Variants in FAM185A observed in about 807,000 individuals in gnomAD.
FAM185A encodes the protein protein FAM185A.
FAM185A carries 21 observed loss-of-function variants against 45.7 expected under a neutral mutation model. The ratio of observed to expected loss-of-function variants is 0.46; its 90% CI spans 0.33 to 0.66. The LOEUF is 0.66. Among genes scored for constraint, FAM185A ranks in the 30% least tolerant of loss-of-function variants. The probability of loss-of-function intolerance (pLI) is 0.03; values close to 1 mark genes in which losing one functional copy is unlikely to be tolerated. For synonymous variants in FAM185A, 117 were observed against 194.0 expected (o/e 0.60, Z 3.30); for missense variants, 305 against 485.4 (o/e 0.63, Z 3.49).
chr7:102,751,473 T>C (rs1793359962), intron 1 of FAM185A, among the ~76,000 whole-genome samples: 1 of 151,956 alleles, frequency 6.6e-6, no homozygotes, highest in South Asian at 2.1e-4. Context: ...TTAGGTGATT[T>C]AGGCCAGTAG....
chr7:102,757,822 T>G, intron 2 of FAM185A, 32 bp from the exon 3 acceptor site: 1 of 1,475,434 alleles, frequency 6.8e-7, no homozygotes, highest in Non-Finnish European at 9.2e-7. Context: ...ACTCTCTTTT[T>G]CACTATATGT....
At chr7:102,757,995 C>T in intron 3 of FAM185A, 49 bp downstream of exon 3, 1 of 1,544,274 alleles carries the variant, frequency 6.5e-7, no homozygotes, top group Non-Finnish European at 8.7e-7. Flanking sequence ...ACTTTGCTTC[C>T]ATTTGGCTCA....
chr7:102,837,142 G>C, the FAM185A span, among the ~76,000 whole-genome samples: 1 of 152,212 alleles, frequency 6.6e-6, no homozygotes, highest in Non-Finnish European at 1.5e-5. Flanking sequence ...ATGAGATGGA[G>C]AGCTACACTC....
At chr7:102,755,655 C>T in intron 2 of FAM185A, 1 of 587,220 alleles carries the variant, frequency 1.7e-6, no homozygotes, top group Non-Finnish European at 3.1e-6. Flanking sequence ...CCTGCCTGTC[C>T]TGTGTCATAA....
chr7:102,822,210 A>AGCTGGGAG, the FAM185A span: 1 of 1,613,850 alleles, frequency 6.2e-7, no homozygotes, highest in South Asian at 1.1e-5. Flanking sequence ...TAATCTGAAC[A>AGCTGGGAG]CAGAGCCAAA....
At chr7:102,773,977 G>T (rs916130329) in intron 5 of FAM185A, among the ~76,000 whole-genome samples, 19 of 152,066 alleles carry the variant, frequency 1.2e-4, no homozygotes, top group Admixed American at 7.9e-4. Context: ...GATTACTTTG[G>T]ATATAATAGG....
chr7:102,760,107 T>G (rs1376407920), intron 3 of FAM185A, among the ~76,000 whole-genome samples: 3 of 152,166 alleles, frequency 2.0e-5, no homozygotes, highest in Non-Finnish European at 1.5e-5. Flanking sequence ...CCATTTCGTC[T>G]ATTTGGTGAA....
chr7:102,753,019 A>T (rs1207735537), intron 2 of FAM185A, among the ~76,000 whole-genome samples: 2 of 151,970 alleles, frequency 1.3e-5, no homozygotes, highest in Admixed American at 6.6e-5. Context: ...ATCTGCCATC[A>T]GCATGTGTCC....
At chr7:102,786,627 A>G (rs1012345171) in intron 6 of FAM185A, among the ~76,000 whole-genome samples, 11 of 152,158 alleles carry the variant, frequency 7.2e-5, no homozygotes, top group African/African-American at 2.4e-4. Flanking sequence ...GAATTGAACA[A>G]TGAGAACACA....
At chr7:102,762,944 A>C (rs981647946) in intron 4 of FAM185A, among the ~76,000 whole-genome samples, 3 of 141,986 alleles carry the variant, frequency 2.1e-5, no homozygotes, top group Non-Finnish European at 3.1e-5. Flanking sequence ...ATTTCTAACT[A>C]TCTTAATCAT....
chr7:102,850,684 TG>T, the FAM185A span, among the ~76,000 whole-genome samples: 1 of 152,232 alleles, frequency 6.6e-6, no homozygotes, highest in Non-Finnish European at 1.5e-5. Context: ...CTAAATGATT[TG>T]TAACCCTTTT....
chr7:102,784,061 C>A (rs560770948), intron 6 of FAM185A, among the ~76,000 whole-genome samples: 2 of 152,008 alleles, frequency 1.3e-5, no homozygotes, highest in East Asian at 1.9e-4. Context: ...AACACCTCTA[C>A]GGAAATAAAC....
At chr7:102,837,525 C>T in the FAM185A span, among the ~76,000 whole-genome samples, 5 of 152,226 alleles carry the variant, frequency 3.3e-5, no homozygotes, top group African/African-American at 1.2e-4. Context: ...CCCAATTCTT[C>T]TCTGTGGAAG....
the FAM185A span, among the ~76,000 whole-genome samples, chr7:102,836,761 A>AGAG: frequency 6.6e-6 from 1 of 152,334 alleles, no homozygotes; most frequent in African/African-American, 2.4e-5. Context: ...TAGGGTACGT[A>AGAG]GAGGAGACTG....
At chr7:102,819,508 A>G in the FAM185A span, among the ~76,000 whole-genome samples, 1 of 152,182 alleles carries the variant, frequency 6.6e-6, no homozygotes, top group African/African-American at 2.4e-5. Context: ...TGATTTGCAA[A>G]GCTGGTGCAG....
intron 3 of FAM185A, among the ~76,000 whole-genome samples, chr7:102,758,761 A>G (rs1195234668): frequency 6.6e-6 from 1 of 151,968 alleles, no homozygotes; most frequent in Non-Finnish European, 1.5e-5. Flanking sequence ...TATGTAGATT[A>G]TTGTTGGCAT....
downstream of FAM185A, among the ~76,000 whole-genome samples, chr7:102,812,598 A>T (rs1011831068): frequency 6.6e-6 from 1 of 152,174 alleles, no homozygotes; most frequent in African/African-American, 2.4e-5. Context: ...TGTATTCTTT[A>T]TAAAGCCTTA....
the FAM185A span, chr7:102,832,978 C>A: frequency 2.5e-6 from 4 of 1,613,652 alleles, no homozygotes; most frequent in Admixed American, 1.7e-5. Flanking sequence ...AGAATGCCTG[C>A]AAAAAATTCC....
intron 7 of FAM185A, among the ~76,000 whole-genome samples, chr7:102,798,788 C>T (rs1796594811): frequency 6.6e-6 from 1 of 151,896 alleles, no homozygotes; most frequent in South Asian, 2.1e-4. Context: ...ACTATTGTTG[C>T]CCAGACTGGA....
Sources: gnomAD v4.1 joint callset for allele counts (sites outside exome capture counted in the v4.1 genomes callset) on GRCh38, gnomAD v4.1.1 for gene constraint, MANE v1.5 for transcripts, NCBI Gene and HGNC (gene_info 2026-07-23, HGNC 2026-07-21) for gene names.